Variants in GRIK4 observed in about 807,000 individuals in gnomAD.
The protein encoded by GRIK4 is glutamate receptor ionotropic, kainate 4.
In GRIK4, 40 loss-of-function variants were observed where a neutral mutation model predicts 104.9. The ratio of observed to expected loss-of-function variants is 0.38; its 90% CI spans 0.30 to 0.50. GRIK4 has a LOEUF of 0.50. Ranked by LOEUF, GRIK4 falls within the 20% of genes least tolerant of loss-of-function variation. The pLI is 0.93. For missense variants in GRIK4, 1,047 were observed against 1,308.1 expected (o/e 0.80, Z 3.08); for synonymous variants, 485 against 524.9 (o/e 0.92, Z 1.04).
intron 1 of GRIK4, among the ~76,000 whole-genome samples, chr11:120,548,881 G>A: frequency 6.6e-6 from 1 of 152,182 alleles, no homozygotes. Flanking sequence ...TGCACAGGAG[G>A]GCACTTCTGC....
intron 19 of GRIK4, among the ~76,000 whole-genome samples, chr11:120,979,581 G>A (rs1468461231): frequency 2.0e-5 from 3 of 152,248 alleles, no homozygotes; most frequent in South Asian, 4.2e-4. Flanking sequence ...AGAAGTGTTG[G>A]ATTAGACAGA....
intron 13 of GRIK4, among the ~76,000 whole-genome samples, chr11:120,915,255 T>G (rs1362627752): frequency 1.3e-5 from 2 of 152,140 alleles, no homozygotes; most frequent in African/African-American, 4.8e-5. Flanking sequence ...GACTGCACCT[T>G]AGCCACAAAC....
intron 13 of GRIK4, among the ~76,000 whole-genome samples, chr11:120,922,172 T>G (rs1943241003): frequency 6.6e-6 from 1 of 152,226 alleles, no homozygotes; most frequent in Admixed American, 6.5e-5. Flanking sequence ...GTTCTCCTAT[T>G]TAATCTTAGG....
In GRIK4 at chr11:120,986,001, C is replaced by T. The variant is rs1306151128; in HGVS notation, c.2612C>T (p.Pro871Leu). The T allele has an allele frequency of 2.0e-6, 3 of 1,530,534 alleles. No homozygotes were observed. The East Asian group carries it at 7.8e-5, about 40-fold the overall frequency. The allele number at this position is 1,530,534 out of a possible 1,614,324, so 94.8% of individuals were successfully genotyped here. A position where few individuals can be genotyped will look rare whatever the true frequency, so the allele number is the denominator to read the frequency against. ...PRRRRAAVPP[P>L]RPPIPEERRP... ...CGGCGGCGCGCCGCAGTCCCGCCGC[C>T]CCGGCCCCCCATCCCCGAGGAGCGC... The change falls in exon 21 of 21, where the codon CCC (proline) becomes CTC (leucine). Residue 871 changes from proline (P) to leucine (L), a missense_variant. Physicochemically the swap from Pro to Leu is moderately conservative, Grantham distance 98 (BLOSUM62 -3). Transcript: ENST00000527524.
At position 120,739,605 on chromosome 11, in the gene GRIK4, C is replaced by T. The variant is rs373228820; in HGVS notation, c.83-63088C>T. Among the ~76,000 whole-genome samples, 22 of 152,348 alleles carry T rather than the reference C, an allele frequency of 1.4e-4. No individual in the cohort carries two copies. In the South Asian group the frequency reaches 3.3e-3, roughly 23 times the overall value. ...TTTTCTACTGCTTCTAGAACTTTCT[C>T]TGTCATTCTGTGTTTCTCTGAGACA... On this transcript the variant is annotated intron_variant, in intron 3 of 20. Coordinates refer to ENST00000527524, the MANE Select transcript of GRIK4 (RefSeq NM_014619.5).
chr11:120,893,672 C>T (rs927167077), intron 11 of GRIK4, among the ~76,000 whole-genome samples: 11 of 152,210 alleles, frequency 7.2e-5, no homozygotes, highest in Non-Finnish European at 1.5e-4. Context: ...TGCAAGAGTC[C>T]GTTGTACACA....
chr11:120,834,172 G>A (rs929019377), intron 7 of GRIK4, among the ~76,000 whole-genome samples: 14 of 152,088 alleles, frequency 9.2e-5, no homozygotes, highest in African/African-American at 3.4e-4. Flanking sequence ...ATTTTAGAAA[G>A]GCTGTAACAG....
intron 13 of GRIK4, among the ~76,000 whole-genome samples, chr11:120,938,698 T>G (rs953354885): frequency 2.0e-5 from 3 of 152,252 alleles, no homozygotes; most frequent in Non-Finnish European, 4.4e-5. Flanking sequence ...TTCACTTTTC[T>G]TATTTCATCT....
At chr11:120,785,657 G>A (rs1253740516) in intron 3 of GRIK4, among the ~76,000 whole-genome samples, 1 of 152,200 alleles carries the variant, frequency 6.6e-6, no homozygotes, top group Non-Finnish European at 1.5e-5. Context: ...ACATTTGCCT[G>A]GCTCTGTGCT....
At chr11:120,550,096 C>T (rs1475846164) in intron 1 of GRIK4, among the ~76,000 whole-genome samples, 5 of 151,744 alleles carry the variant, frequency 3.3e-5, no homozygotes, top group African/African-American at 4.8e-5. Context: ...GGGGAATGGG[C>T]GGCAGAGGGT....
At chr11:120,931,872 C>T (rs868737358) in intron 13 of GRIK4, among the ~76,000 whole-genome samples, 65 of 152,156 alleles carry the variant, frequency 4.3e-4, no homozygotes, top group Middle Eastern at 3.2e-3. Context: ...CCTCTCCAGC[C>T]TCATCTTACA....
chr11:120,716,319 C>G (rs1222083421), intron 3 of GRIK4, among the ~76,000 whole-genome samples: 1 of 152,126 alleles, frequency 6.6e-6, no homozygotes, highest in East Asian at 1.9e-4. Context: ...TCTCAGCTCC[C>G]TGCAACTTTC....
intron 1 of GRIK4, among the ~76,000 whole-genome samples, chr11:120,589,163 G>C (rs906625039): frequency 1.2e-4 from 18 of 152,178 alleles, no homozygotes; most frequent in African/African-American, 1.7e-4. Flanking sequence ...GCTGAAGGCA[G>C]TAGTGGCTAA....
chr11:120,757,629 T>C (rs542636341), intron 3 of GRIK4, among the ~76,000 whole-genome samples: 3 of 152,308 alleles, frequency 2.0e-5, no homozygotes, highest in Admixed American at 1.3e-4. Flanking sequence ...CAGACCCCTA[T>C]ATTTTATTTT....
intron 1 of GRIK4, among the ~76,000 whole-genome samples, chr11:120,550,431 T>C (rs1378235153): frequency 6.6e-6 from 1 of 152,016 alleles, no homozygotes; most frequent in East Asian, 1.9e-4. Flanking sequence ...CGTCAGCAGT[T>C]GGATATCATC....
chr11:120,683,161 G>T (rs1275150553), intron 3 of GRIK4, among the ~76,000 whole-genome samples: 1 of 152,138 alleles, frequency 6.6e-6, no homozygotes, highest in African/African-American at 2.4e-5. Flanking sequence ...ACCGATAGAT[G>T]AATGAGTGTA....
chr11:120,825,316 A>G (rs1208615250), intron 6 of GRIK4, among the ~76,000 whole-genome samples: 1 of 152,152 alleles, frequency 6.6e-6, no homozygotes, highest in Non-Finnish European at 1.5e-5. Flanking sequence ...GAGATCTTGG[A>G]AAAGTGACTT....
rs1437388008 is a variant in GRIK4, at chr11:120,819,734, C to T, written c.346-21C>T. On this transcript the variant is annotated intron_variant, in intron 5 of 20. Coordinates refer to ENST00000527524, the MANE Select transcript of GRIK4 (RefSeq NM_014619.5). This position sits in a 1 kb window ranked among gnomAD's most constrained non-coding sequence, Gnocchi z 4.3. The stretch of plus-strand genomic sequence containing the variant: ...ACCCACCTGGATCCTCCCTGCTGTC[C>T]GTTTTTGCTCCTCTTGCCAGGTCCC... 2 of 1,613,034 alleles carry T rather than the reference C, an allele frequency of 1.2e-6. No homozygotes were observed. Among genetic ancestry groups the T allele is most frequent in the East Asian group, 4.5e-5 (2 of 44,866 alleles).
At chr11:120,831,816 T>G in intron 6 of GRIK4, 36 bp from the exon 7 acceptor site, 2 of 1,571,112 alleles carry the variant, frequency 1.3e-6, no homozygotes, top group Non-Finnish European at 1.7e-6. Flanking sequence ...GGCAGCTCTG[T>G]GGACCCTCAG....
Sources: allele counts gnomAD v4.1 joint callset (sites outside exome capture counted in the v4.1 genomes callset), GRCh38; gene constraint gnomAD v4.1.1; non-coding constraint Gnocchi (gnomAD v3.1); transcripts MANE v1.5; gene names NCBI Gene and HGNC (gene_info 2026-07-23, HGNC 2026-07-21).